C8orf34: variants seen among roughly 807,000 people sequenced by gnomAD.
The protein encoded by C8orf34 is chromosome 8 open reading frame 34.
In C8orf34, 65 loss-of-function variants were observed where a neutral mutation model predicts 68.3. The observed-to-expected ratio is 0.95, with a 90% CI of 0.78 to 1.17. The LOEUF (loss-of-function observed/expected upper bound fraction) is 1.17. C8orf34 is among the 50% of genes most tolerant of loss of function. The probability of loss-of-function intolerance (pLI) is 0.00; values close to 1 mark genes in which losing one functional copy is unlikely to be tolerated. For synonymous variants in C8orf34, 244 were observed against 241.2 expected (o/e 1.01, Z -0.11); for missense variants, 664 against 655.4 (o/e 1.01, Z -0.14).
intron 8 of C8orf34, among the ~76,000 whole-genome samples, chr8:68,660,305 G>A (rs979251104): frequency 1.3e-5 from 2 of 152,146 alleles, no homozygotes; most frequent in African/African-American, 4.8e-5. Context: ...GTGAATACCA[G>A]GGGTATGTGA....
At chr8:68,645,429 C>T (rs1423352221) in intron 8 of C8orf34, among the ~76,000 whole-genome samples, 1 of 152,078 alleles carries the variant, frequency 6.6e-6, no homozygotes, top group Non-Finnish European at 1.5e-5. Flanking sequence ...GAAAAAAGAG[C>T]CTCATTTTCC....
intron 9 of C8orf34, among the ~76,000 whole-genome samples, chr8:68,709,619 G>T (rs565275999): frequency 2.0e-5 from 3 of 152,150 alleles, no homozygotes; most frequent in African/African-American, 7.2e-5. Flanking sequence ...AGCCTCTTTT[G>T]TATTTGCCCT....
At chr8:68,635,466 CT>C (rs1473676282) in intron 7 of C8orf34, among the ~76,000 whole-genome samples, 10 of 152,190 alleles carry the variant, frequency 6.6e-5, no homozygotes, top group Non-Finnish European at 1.0e-4. Context: ...GAGAAAGCAA[CT>C]TTTAGTTCTA....
chr8:68,483,383 T>C (rs1271474705), intron 4 of C8orf34, among the ~76,000 whole-genome samples: 1 of 152,166 alleles, frequency 6.6e-6, no homozygotes, highest in Non-Finnish European at 1.5e-5. Flanking sequence ...TAGGGACTAA[T>C]GATCAGAAGC....
At chr8:68,399,891 A>T (rs1808874397) in intron 1 of C8orf34, among the ~76,000 whole-genome samples, 1 of 152,050 alleles carries the variant, frequency 6.6e-6, no homozygotes, top group Non-Finnish European at 1.5e-5. Context: ...TGTAGTTTTA[A>T]TTTGCATTTC....
chr8:68,635,112 T>C (rs1224400906), intron 7 of C8orf34, among the ~76,000 whole-genome samples: 1 of 152,168 alleles, frequency 6.6e-6, no homozygotes, highest in Non-Finnish European at 1.5e-5. Flanking sequence ...CACTCAAATT[T>C]GCACATGAAA....
intron 10 of C8orf34, among the ~76,000 whole-genome samples, chr8:68,757,593 C>A (rs561504246): frequency 1.3e-5 from 2 of 151,916 alleles, no homozygotes; most frequent in Non-Finnish European, 2.9e-5. Flanking sequence ...TGCACTCCAG[C>A]CTGGGCAATA....
At chr8:68,624,570 A>G (rs1340719127) in intron 7 of C8orf34, among the ~76,000 whole-genome samples, 2 of 152,186 alleles carry the variant, frequency 1.3e-5, no homozygotes, top group Non-Finnish European at 2.9e-5. Flanking sequence ...TATCTATAAT[A>G]TGCCTTATCT....
Position 68,796,588 on chromosome 8 carries a change from T to A in C8orf34, c.1549+9052T>A, listed in dbSNP as rs575582855. Among the ~76,000 whole-genome samples the A allele has an allele frequency of 1.2e-3, 185 of 152,268 alleles. 1 individual carries two copies. The highest frequency in any genetic ancestry group is 4.3e-3 in the African/African-American group (179 of 41,540). On this transcript the variant is annotated intron_variant, in intron 12 of 13. Coordinates refer to ENST00000518698, the MANE Select transcript of C8orf34 (RefSeq NM_052958.4). ...TAATTGTAAGACCATATCATTGATA[T>A]AACAACAGCTTTTCAAGAGGAGCAA...
At chr8:68,716,488 C>T (rs1821475920) in intron 9 of C8orf34, among the ~76,000 whole-genome samples, 1 of 151,860 alleles carries the variant, frequency 6.6e-6, no homozygotes, top group Non-Finnish European at 1.5e-5. Flanking sequence ...TATGAATATA[C>T]ATTTTACAGA....
At chr8:68,548,600 T>A (rs1815964131) in intron 7 of C8orf34, among the ~76,000 whole-genome samples, 1 of 151,844 alleles carries the variant, frequency 6.6e-6, no homozygotes, top group African/African-American at 2.4e-5. Context: ...AATTTTACAA[T>A]CACTTTGTAT....
intron 1 of C8orf34, among the ~76,000 whole-genome samples, chr8:68,437,734 G>A (rs73260788): frequency 0.048 from 7,280 of 152,128 alleles, 213 homozygotes; most frequent in African/African-American, 0.086. Flanking sequence ...AATATAAAAA[G>A]TATTACACTT....
chr8:68,470,763 G>T (rs774325743), intron 4 of C8orf34, among the ~76,000 whole-genome samples: 11 of 152,088 alleles, frequency 7.2e-5, no homozygotes, highest in Non-Finnish European at 1.5e-4. Flanking sequence ...GGTGGAAGGG[G>T]CAAGGGAGCT....
At position 68,463,198 on chromosome 8, in the gene C8orf34, G is replaced by A. The variant is rs549620364; in HGVS notation, c.608-5494G>A. On this transcript the variant is annotated intron_variant, in intron 3 of 13. Transcript: ENST00000518698. ...ATAAACTAGAAAATCTAGAAGAAAT[G>A]GATAAATTCCTTGACACATACACCC... is the stretch of plus-strand genomic sequence containing the variant. Among the ~76,000 whole-genome samples, 486 of 152,280 alleles carry A rather than the reference G, an allele frequency of 3.2e-3. 1 individual carries two copies. Among genetic ancestry groups the A allele is most frequent in the Non-Finnish European group, 5.1e-3 (344 of 68,024 alleles).
chr8:68,669,490 G>A (rs1214424577), intron 8 of C8orf34, among the ~76,000 whole-genome samples: 1 of 152,160 alleles, frequency 6.6e-6, no homozygotes, highest in Non-Finnish European at 1.5e-5. Flanking sequence ...ATTTCAAAAG[G>A]AGAGTAGGAT....
At chr8:68,699,376 C>A (rs1476807073) in intron 8 of C8orf34, among the ~76,000 whole-genome samples, 2 of 152,058 alleles carry the variant, frequency 1.3e-5, no homozygotes, top group African/African-American at 4.8e-5. Context: ...CCCAGGGCTG[C>A]CTCTAGCTCA....
intron 12 of C8orf34, among the ~76,000 whole-genome samples, chr8:68,814,506 T>C (rs1239335811): frequency 1.3e-5 from 2 of 152,216 alleles, no homozygotes; most frequent in Non-Finnish European, 2.9e-5. Context: ...ATCCAGCATC[T>C]ACCTTCCATA....
At chr8:68,417,033 T>C (rs763071605) in intron 1 of C8orf34, among the ~76,000 whole-genome samples, 13 of 152,118 alleles carry the variant, frequency 8.5e-5, no homozygotes, top group Non-Finnish European at 1.9e-4. Flanking sequence ...GGGTTGAGCT[T>C]CTCTCTTGAT....
intron 10 of C8orf34, among the ~76,000 whole-genome samples, chr8:68,722,859 A>G (rs1488101063): frequency 6.6e-6 from 1 of 151,994 alleles, no homozygotes; most frequent in Non-Finnish European, 1.5e-5. Flanking sequence ...AAACTATTAT[A>G]TTTTCCTTTA....
Sources: gnomAD v4.1 joint callset for allele counts (sites outside exome capture counted in the v4.1 genomes callset) on GRCh38, gnomAD v4.1.1 for gene constraint, MANE v1.5 for transcripts, NCBI Gene and HGNC (gene_info 2026-07-23, HGNC 2026-07-21) for gene names.